STK36: variants seen among roughly 807,000 people sequenced by gnomAD.
The protein encoded by STK36 is serine/threonine kinase 36.
In STK36, 116 loss-of-function variants were observed where a neutral mutation model predicts 142.2. That is an observed-to-expected ratio of 0.82 (90% CI 0.70 to 0.95). The LOEUF is 0.95. Ranked by LOEUF, STK36 falls within the 40% of genes least tolerant of loss-of-function variation. STK36 has a pLI of 0.00. For missense variants in STK36, 1,422 were observed against 1,617.2 expected (o/e 0.88, Z 2.07); for synonymous variants, 619 against 641.7 (o/e 0.96, Z 0.53).
chr2:218,676,347 T>C (rs1439058018), intron 6 of STK36, 69 bp downstream of exon 6: 1 of 1,570,560 alleles, frequency 6.4e-7, no homozygotes, highest in East Asian at 2.3e-5. Context: ...TGTTCCTTTT[T>C]CCAAATCCTT....
At chr2:218,698,126 A>G in intron 25 of STK36, 125 bp downstream of exon 25, 1 of 1,364,638 alleles carries the variant, frequency 7.3e-7, no homozygotes, top group Non-Finnish European at 9.9e-7. Context: ...GGCTTGACTC[A>G]AAAGTTGGCG....
At position 218,682,732 on chromosome 2, in the gene STK36, T is replaced by C. The variant is rs538837435; in HGVS notation, c.1236+2030T>C. Among the ~76,000 whole-genome samples, 5 of 152,302 alleles carry C rather than the reference T, an allele frequency of 3.3e-5. No individual in the cohort carries two copies. The East Asian group carries it at 7.7e-4, about 23-fold the overall frequency. ...CCTCAGCCTTCTGAGTAGCTGGGACTACAGGCACCTGCCACCATGCCTGGC... is the reference window on the plus strand; with the variant it reads ...CCTCAGCCTTCTGAGTAGCTGGGACCACAGGCACCTGCCACCATGCCTGGC... On this transcript the variant is annotated intron_variant, in intron 10 of 26. Coordinates refer to ENST00000295709, the MANE Select transcript of STK36 (RefSeq NM_015690.5).
chr2:218,678,649 C>A (rs1305446654), intron 6 of STK36, among the ~76,000 whole-genome samples: 1 of 152,210 alleles, frequency 6.6e-6, no homozygotes, highest in Non-Finnish European at 1.5e-5. Flanking sequence ...CTCCCTATCT[C>A]TCCACCTCTG....
chr2:218,698,105 A>C, intron 25 of STK36, 104 bp downstream of exon 25: 1 of 1,486,548 alleles, frequency 6.7e-7, no homozygotes. Context: ...CCCTGTAAGC[A>C]TGGAACAGCT....
Position 218,690,539 on chromosome 2 carries a change from G to T in STK36, c.1748G>T (p.Arg583Leu), listed in dbSNP as rs1344642. ...CCAGATGACTCTGAGCAGACTTTGCGGAGGGACAGCCTTATGGTAATCTGC... is the reference window on the plus strand; with the variant it reads ...CCAGATGACTCTGAGCAGACTTTGCTGAGGGACAGCCTTATGGTAATCTGC... ...AQPDDSEQTL[R>L]RDSLMCFTVL... Residue 583 changes from arginine to leucine, a missense_variant, in exon 14 of 27, where the codon CGG (arginine) becomes CTG (leucine). Coordinates refer to ENST00000295709, the MANE Select transcript of STK36 (RefSeq NM_015690.5). 1.9e-6 allele frequency: 3 copies of T among 1,613,718 alleles called. No homozygotes were observed. The highest frequency in any genetic ancestry group is 2.2e-5 in the East Asian group (1 of 44,876).
chr2:218,672,549 T>G, intron 1 of STK36, 192 bp from the exon 2 acceptor site: 1 of 398,170 alleles, frequency 2.5e-6, no homozygotes, highest in Non-Finnish European at 4.7e-6. Flanking sequence ...GAACCAGGTG[T>G]TAGTTGGGCA....
Position 218,688,944 on chromosome 2 carries a change from A to G in STK36, c.1560+68A>G, listed in dbSNP as rs1290485492. On this transcript the variant is annotated intron_variant, in intron 12 of 26. Transcript: ENST00000295709. ...TTTTTCTTGGATTTATCTCATTCAG[A>G]TTGCCATCTCTCTTTGGTCTGACTG... 5.5e-6 allele frequency: 8 copies of G among 1,449,460 alleles called. No individual in the cohort carries two copies. In the African/African-American group the frequency reaches 1.0e-4, roughly 18 times the overall value. 89.8% of individuals were successfully genotyped at this position (1,449,460 alleles called of 1,614,324 possible).
intron 21 of STK36, among the ~76,000 whole-genome samples, chr2:218,696,185 T>A (rs946553218): frequency 6.6e-6 from 1 of 152,192 alleles, no homozygotes; most frequent in African/African-American, 2.4e-5. Flanking sequence ...TTATAAAACA[T>A]TTTCACATGT....
chr2:218,688,406 A>G, intron 11 of STK36: 2 of 564,692 alleles, frequency 3.5e-6, no homozygotes, highest in East Asian at 4.2e-5. Flanking sequence ...GGGCTGGAGA[A>G]GGGAGGGAGC....
chr2:218,694,646 C>G lies in STK36; in HGVS notation c.2511+11C>G, dbSNP rs752211029. On this transcript the variant is annotated intron_variant, in intron 21 of 26. Transcript: ENST00000295709. This position sits in a 1 kb window ranked among gnomAD's most constrained non-coding sequence, Gnocchi z 4.4. Reference sequence around the variant, plus strand: ...TCTGCCCCTGCAGAGGTGAGGCCCCCCAGGGAGGGCACAGACATGTTTTCT... The same window carrying G: ...TCTGCCCCTGCAGAGGTGAGGCCCCGCAGGGAGGGCACAGACATGTTTTCT... 6 of 1,610,224 alleles carry G rather than the reference C, an allele frequency of 3.7e-6. No homozygotes were observed. The South Asian group carries it at 6.6e-5, about 18-fold the overall frequency.
Position 218,702,201 on chromosome 2 carries a change from A to T in STK36, c.*192A>T, listed in dbSNP as rs1941468339. On this transcript the variant is annotated 3_prime_UTR_variant, in exon 27 of 27. Transcript: ENST00000295709. ...TTCTCCCAGATGCAGGATGTTTTCA[A>T]CCAGTAAATTTTATTGCTGTTGGTG... 1 of 645,776 alleles carries T rather than the reference A, an allele frequency of 1.5e-6. No individual in the cohort carries two copies. Among genetic ancestry groups the T allele is most frequent in the African/African-American group, 1.9e-5 (1 of 53,884 alleles). 40.0% of individuals were successfully genotyped at this position (645,776 alleles called of 1,614,324 possible).
intron 1 of STK36, 123 bp downstream of exon 1, chr2:218,672,338 T>A (rs1940018156): frequency 2.9e-6 from 1 of 346,576 alleles, no homozygotes; most frequent in Admixed American, 4.4e-5. Context: ...TCCCTTGGCC[T>A]GAGGAGCTTG....
At chr2:218,673,210 G>A in intron 2 of STK36, 1 of 396,518 alleles carries the variant, frequency 2.5e-6, no homozygotes, top group Non-Finnish European at 4.6e-6. Flanking sequence ...GATTAAATAT[G>A]TTTTCACATT....
Position 218,697,673 on chromosome 2 carries a change from G to C in STK36, c.2909+63G>C. The C allele has an allele frequency of 1.9e-6, 3 of 1,606,030 alleles. 1 individual carries two copies. In the South Asian group the frequency reaches 3.3e-5, roughly 18 times the overall value. ...CGGGGAGGGAGAAAGAAGAAGGCAG[G>C]AAAGAAGTTACTGACAGATTGAGCT... On this transcript the variant is annotated intron_variant, in intron 24 of 26. Coordinates refer to ENST00000295709, the MANE Select transcript of STK36 (RefSeq NM_015690.5).
chr2:218,672,291 C>G (rs1940014200), intron 1 of STK36, 76 bp downstream of exon 1: 1 of 456,252 alleles, frequency 2.2e-6, no homozygotes, highest in Non-Finnish European at 4.0e-6. Context: ...CGTATGCAGG[C>G]AGCCAGAAGA....
intron 24 of STK36, 40 bp from the exon 25 acceptor site, chr2:218,697,814 A>G (rs1941293436): frequency 6.2e-7 from 1 of 1,613,890 alleles, no homozygotes; most frequent in Non-Finnish European, 8.5e-7. Context: ...ATAAAGGTTA[A>G]GTGAACAAGA....
rs200201404 is a variant in STK36 at position 218,697,014 on chromosome 2, C to T, written c.2587-25C>T. 3,081 of 1,612,078 alleles carry T rather than the reference C, an allele frequency of 1.9e-3. 2 individuals carry two copies. Among genetic ancestry groups the T allele is most frequent in the Non-Finnish European group, 2.4e-3 (2,869 of 1,178,680 alleles). On this transcript the variant is annotated intron_variant, in intron 22 of 26. Transcript: ENST00000295709. ...GATTCCTGACTTCTGTCTTTCCCCCCGCCCTCTTTCACTTTTATCTCTAGC... is the reference window on the plus strand; with the variant it reads ...GATTCCTGACTTCTGTCTTTCCCCCTGCCCTCTTTCACTTTTATCTCTAGC...
At chr2:218,689,277 C>T (rs1049771878) in intron 12 of STK36, among the ~76,000 whole-genome samples, 6 of 152,126 alleles carry the variant, frequency 3.9e-5, no homozygotes, top group South Asian at 2.1e-4. Context: ...ATATTTAGAG[C>T]GCTGTGCTTT....
chr2:218,692,611 A>G lies in STK36; in HGVS notation c.1944A>G (p.Arg648=). 10 of 1,613,526 alleles carry G rather than the reference A, an allele frequency of 6.2e-6. No individual in the cohort carries two copies. Among genetic ancestry groups the G allele is most frequent in the Non-Finnish European group, 8.5e-6 (10 of 1,179,998 alleles). The stretch of plus-strand genomic sequence containing the variant: ...CCCCGCAAGTGAGCCAGCCACTGCG[A>G]GAGCAGAGTGAGGATATACCTGGAG... The part of the protein sequence containing the change: ...QGAPQVSQPL[R]EQSEDIPGAI... Residue 648 remains arginine (R), a synonymous_variant, in exon 16 of 27, where the codon CGA becomes CGG. Coordinates refer to ENST00000295709, the MANE Select transcript of STK36 (RefSeq NM_015690.5).
Sources: gnomAD v4.1 joint callset for allele counts (sites outside exome capture counted in the v4.1 genomes callset) on GRCh38, gnomAD v4.1.1 for gene constraint, Gnocchi (gnomAD v3.1) non-coding constraint, MANE v1.5 for transcripts, NCBI Gene and HGNC (gene_info 2026-07-23, HGNC 2026-07-21) for gene names.